Variants in SMG5 observed in about 807,000 individuals in gnomAD.
The protein encoded by SMG5 is nonsense-mediated mRNA decay factor SMG5.
A neutral mutation model predicts 122.9 loss-of-function variants in SMG5; 53 were observed. The ratio of observed to expected loss-of-function variants is 0.43; its 90% CI spans 0.35 to 0.54. The LOEUF (loss-of-function observed/expected upper bound fraction) is 0.54. Ranked by LOEUF, SMG5 falls within the 20% of genes least tolerant of loss-of-function variation. The pLI, the probability that SMG5 is intolerant of heterozygous loss-of-function variation, is 0.01. For synonymous variants in SMG5, 477 were observed against 490.2 expected, an observed-to-expected ratio of 0.97 and a Z score of 0.35; for missense variants, 1,153 against 1,285.6, an observed-to-expected ratio of 0.90 and a Z score of 1.58.
chr1:156,270,664 G>C (rs1662367929), intron 7 of SMG5, among the ~76,000 whole-genome samples: 1 of 152,176 alleles, frequency 6.6e-6, no homozygotes. Flanking sequence ...GTATGATGAG[G>C]GACTCAGGAC....
rs370637085 is a variant in SMG5, at chr1:156,265,840, T to A, written c.1796A>T (p.His599Leu). 4.3e-6 allele frequency: 7 copies of A among 1,613,740 alleles called. No homozygotes were observed. Among genetic ancestry groups the A allele is most frequent in the Non-Finnish European group, 5.9e-6 (7 of 1,179,770 alleles). The change falls in exon 12 of 22, where the codon CAT (histidine) becomes CTT (leucine). Residue 599 changes from histidine to leucine, a missense_variant. By Grantham distance (99) the His-to-Leu change is moderately conservative. Transcript: ENST00000361813. ...GCAAGGCCTGTGGCTGGCCGAGGTA[T>A]GAGGGTTGGTGGTGGGCTGGAGGAG... ...NLLLQPTTNP[H>L]TSASHRPCVN...
At chr1:156,276,960 T>G in intron 4 of SMG5, 125 bp downstream of exon 4, 1 of 894,956 alleles carries the variant, frequency 1.1e-6, no homozygotes, top group Non-Finnish European at 1.7e-6. Context: ...CATAAACCAT[T>G]TGTATGTAGT....
chr1:156,273,739 T>TTTA (rs1491470386), intron 5 of SMG5, among the ~76,000 whole-genome samples: 9 of 132,572 alleles, frequency 6.8e-5, no homozygotes, highest in African/African-American at 2.3e-4. Context: ...TTTTTTTTTT[T>TTTA]AGAGACGGGG....
At chr1:156,285,276 C>T, upstream of SMG5, 1 of 1,567,684 alleles carries the variant, frequency 6.4e-7, no homozygotes. Context: ...AGGTCTGATT[C>T]CCCAGAGAAG....
At chr1:156,254,741 A>C (rs903200364) in intron 16 of SMG5, among the ~76,000 whole-genome samples, 2 of 151,476 alleles carry the variant, frequency 1.3e-5, no homozygotes, top group Non-Finnish European at 2.9e-5. Flanking sequence ...CACAGCGCCC[A>C]GCCCACTGAA....
At position 156,266,167 on chromosome 1, in the gene SMG5, C is replaced by T; in HGVS notation, c.1469G>A (p.Ser490Asn). ...GTCAGAGCCACTGTCTGAGCCCTCA[C>T]TGGCCCGGGCTGAGTCATGGCTTGA... ...SDSSHDSARA[S>N]EGSDSGSDKS... The change falls in exon 12 of 22, where the codon AGT becomes AAT. Residue 490 changes from serine to asparagine, a missense_variant. Coordinates refer to ENST00000361813, the MANE Select transcript of SMG5 (RefSeq NM_015327.3). 1.2e-6 allele frequency: 2 copies of T among 1,614,270 alleles called. No individual in the cohort carries two copies. The highest frequency in any genetic ancestry group is 1.7e-6 in the Non-Finnish European group (2 of 1,180,050).
chr1:156,254,624 T>C (rs1661497127), intron 16 of SMG5, among the ~76,000 whole-genome samples: 1 of 152,084 alleles, frequency 6.6e-6, no homozygotes, highest in Non-Finnish European at 1.5e-5. Context: ...TGGTATTTTT[T>C]GTAGAGACTG....
chr1:156,285,936 T>C, upstream of SMG5: 1 of 1,613,518 alleles, frequency 6.2e-7, no homozygotes, highest in Non-Finnish European at 8.5e-7. Context: ...TCCCGCCTGA[T>C]CTACACACTG....
chr1:156,278,698 C>T (rs908684873), intron 2 of SMG5, among the ~76,000 whole-genome samples: 2 of 151,990 alleles, frequency 1.3e-5, no homozygotes, highest in African/African-American at 4.8e-5. Flanking sequence ...TTATTTTACT[C>T]TACTTTTTAG....
At position 156,282,764 on chromosome 1, in the gene SMG5, C is replaced by G; in HGVS notation, c.-84G>C. 7.1e-7 allele frequency: 1 copy of G among 1,411,594 alleles called. No individual in the cohort carries two copies. The highest frequency in any genetic ancestry group is 1.4e-5 in the African/African-American group (1 of 69,156). The allele number at this position is 1,411,594 out of a possible 1,614,324, so 87.4% of individuals were successfully genotyped here. ...CAACACTGCCGTCTCCGGCCGTAGC[C>G]GCAGCCGCCGCCGCCACCGGCCCTG... On this transcript the variant is annotated 5_prime_UTR_variant, in exon 1 of 22. Transcript: ENST00000361813.
chr1:156,278,205 C>G (rs1270916271), intron 2 of SMG5, among the ~76,000 whole-genome samples, 157 bp from the exon 3 acceptor site: 1 of 152,058 alleles, frequency 6.6e-6, no homozygotes, highest in African/African-American at 2.4e-5. Context: ...CAACAGCAGC[C>G]TAGGAAGGCA....
the SMG5 span, chr1:156,290,175 C>G: frequency 1.3e-5 from 2 of 152,140 alleles, no homozygotes; most frequent in African/African-American, 4.8e-5. Context: ...CATGCAGAGA[C>G]AGTCTATATA....
At chr1:156,269,989 G>T (rs539340664) in intron 7 of SMG5, among the ~76,000 whole-genome samples, 4 of 152,226 alleles carry the variant, frequency 2.6e-5, no homozygotes, top group African/African-American at 4.8e-5. Flanking sequence ...GCAGTGAGCC[G>T]AGATCGCGCC....
At chr1:156,260,317 C>A in intron 15 of SMG5, 134 bp downstream of exon 15, 3 of 1,082,604 alleles carry the variant, frequency 2.8e-6, no homozygotes, top group Middle Eastern at 2.9e-4. Flanking sequence ...GGAAGCACAG[C>A]CTGTAGCCCC....
chr1:156,282,744 C>T lies in SMG5; in HGVS notation c.-64G>A. On this transcript the variant is annotated 5_prime_UTR_variant, in exon 1 of 22. The change creates a new upstream start codon in the 5' untranslated region. Transcript: ENST00000361813. ...CTGCCACCCACCACTACCGCCAACA[C>T]TGCCGTCTCCGGCCGTAGCCGCAGC... 6.6e-7 allele frequency: 1 copy of T among 1,506,614 alleles called. No individual in the cohort carries two copies. Among genetic ancestry groups the T allele is most frequent in the South Asian group, 1.2e-5 (1 of 83,750 alleles). 93.3% of individuals were successfully genotyped at this position (1,506,614 alleles called of 1,614,324 possible). A position where few individuals can be genotyped will look rare whatever the true frequency, so the allele number is the denominator to read the frequency against.
chr1:156,261,748 G>A (rs1327764059), intron 13 of SMG5, among the ~76,000 whole-genome samples: 1 of 152,046 alleles, frequency 6.6e-6, no homozygotes, highest in African/African-American at 2.4e-5. Flanking sequence ...AAATTAGCCA[G>A]GCATGGTGGC....
Position 156,273,496 on chromosome 1 carries a change from CAGAAA to C in SMG5, c.545-51_545-47del, listed in dbSNP as rs973666361. On this transcript the variant is annotated intron_variant, in intron 5 of 21. Coordinates refer to ENST00000361813, the MANE Select transcript of SMG5 (RefSeq NM_015327.3). ...AGGGAAACTCGATGATTTTAAGTTT[CAGAAA>C]ACCCTCCCCCACATCTGGGAGTCCA... is the stretch of plus-strand genomic sequence containing the variant. The C allele has an allele frequency of 7.7e-6, 12 of 1,566,848 alleles. No individual in the cohort carries two copies. The African/African-American group carries it at 1.4e-4, about 18-fold the overall frequency.
rs562056821 is a variant in SMG5, at chr1:156,257,495, A to G, written c.2442+1510T>C. Among the ~76,000 whole-genome samples, 5 of 151,914 alleles carry G rather than the reference A, an allele frequency of 3.3e-5. No homozygotes were observed. The South Asian group carries it at 1.0e-3, about 32-fold the overall frequency. ...CACCACATGAGAAGGGCTTGCAGGTACTCCCTACCCCCCGACAGGAAGAGT... is the reference window on the plus strand; with the variant it reads ...CACCACATGAGAAGGGCTTGCAGGTGCTCCCTACCCCCCGACAGGAAGAGT... On this transcript the variant is annotated intron_variant, in intron 16 of 21. Transcript: ENST00000361813.
upstream of SMG5, among the ~76,000 whole-genome samples, chr1:156,284,572 A>C (rs1663094148): frequency 6.6e-6 from 1 of 152,168 alleles, no homozygotes; most frequent in Non-Finnish European, 1.5e-5. Flanking sequence ...ATATCAGAAT[A>C]GCAGACCCAG....
Sources: allele counts gnomAD v4.1 joint callset (sites outside exome capture counted in the v4.1 genomes callset), GRCh38; gene constraint gnomAD v4.1.1; transcripts MANE v1.5; gene names NCBI Gene and HGNC (gene_info 2026-07-23, HGNC 2026-07-21).